The following ZNF808 variants were observed in gnomAD, a reference collection of about 807,000 sequenced individuals.
ZNF808 encodes zinc finger protein 808.
Under a neutral mutation model 8.7 loss-of-function variants are expected in ZNF808, and 5 were observed. The ratio of observed to expected loss-of-function variants is 0.58; its 90% CI spans 0.30 to 1.21. ZNF808 has a LOEUF of 1.21. Among genes scored for constraint, ZNF808 ranks in the 50% most tolerant of loss-of-function variants. The pLI, the probability that ZNF808 is intolerant of heterozygous loss-of-function variation, is 0.07. For synonymous variants in ZNF808, 380 were observed against 366.0 expected (o/e 1.04, Z -0.44); for missense variants, 1,103 against 1,098.4 (o/e 1.00, Z -0.06).
Position 52,556,098 on chromosome 19 carries a change from A to G in ZNF808, c.*470A>G. ...CATTAATTGACATTGGAGTCAATTC[A>G]GCATTGACTTGAGTTTGTGTTGACT... is the stretch of plus-strand genomic sequence containing the variant. On this transcript the variant is annotated 3_prime_UTR_variant, in exon 5 of 5. Transcript: ENST00000359798. 3 of 415,762 alleles carry G rather than the reference A, an allele frequency of 7.2e-6. No homozygotes were observed. The highest frequency in any genetic ancestry group is 1.5e-5 in the Non-Finnish European group (3 of 206,714). 25.8% of individuals were successfully genotyped at this position (415,762 alleles called of 1,614,324 possible).
chr19:52,564,861 C>T (rs113967804), downstream of ZNF808, among the ~76,000 whole-genome samples: 823 of 152,028 alleles, frequency 5.4e-3, 5 homozygotes, highest in African/African-American at 0.017. Context: ...CCGAGGCGGG[C>T]GGATCACGAG....
chr19:52,559,271 T>A (rs978701833), downstream of ZNF808, among the ~76,000 whole-genome samples: 1 of 152,118 alleles, frequency 6.6e-6, no homozygotes, highest in South Asian at 2.1e-4. Flanking sequence ...GAAAACTGCC[T>A]TAGAGCTGGA....
At chr19:52,567,482 A>AC (rs2059875666), downstream of ZNF808, among the ~76,000 whole-genome samples, 2 of 91,634 alleles carry the variant, frequency 2.2e-5, no homozygotes, top group East Asian at 6.2e-4. Context: ...GTCCAGCTGT[A>AC]TTTTTTATTA....
Position 52,554,151 on chromosome 19 carries a change from C to T in ZNF808, c.1235C>T (p.Ser412Leu), listed in dbSNP as rs1289630044. The change falls in exon 5 of 5, where the codon TCA becomes TTA. Residue 412 changes from serine (S) to leucine (L), a missense_variant. Coordinates refer to ENST00000359798, the MANE Select transcript of ZNF808 (RefSeq NM_001039886.4). ...NECGKAFNHQ[S>L]SLARHHILHT... ...TGTGGTAAGGCTTTTAATCATCAAT[C>T]AAGCCTTGCACGTCATCATATACTT... is the stretch of plus-strand genomic sequence containing the variant. The T allele has an allele frequency of 1.9e-6, 3 of 1,613,998 alleles. No homozygotes were observed. In the African/African-American group the frequency reaches 4.0e-5, roughly 22 times the overall value.
chr19:52,546,771 G>C (rs1203997570), intron 3 of ZNF808, among the ~76,000 whole-genome samples: 1 of 150,868 alleles, frequency 6.6e-6, no homozygotes, highest in Non-Finnish European at 1.5e-5. Context: ...AGCCTCTTGA[G>C]TAGCTGGGAG....
chr19:52,552,759 GA>G (rs1264084089), intron 4 of ZNF808, among the ~76,000 whole-genome samples: 1 of 146,826 alleles, frequency 6.8e-6, no homozygotes, highest in Non-Finnish European at 1.5e-5. Flanking sequence ...TAAATATGAA[GA>G]ATATATATTT....
chr19:52,550,097 C>T (rs553027179), intron 4 of ZNF808, among the ~76,000 whole-genome samples: 6 of 152,270 alleles, frequency 3.9e-5, no homozygotes, highest in East Asian at 3.9e-4. Flanking sequence ...AAGAACATGT[C>T]GTGGGATCCT....
chr19:52,560,920 G>C (rs1464090063), downstream of ZNF808, among the ~76,000 whole-genome samples: 6 of 152,128 alleles, frequency 3.9e-5, no homozygotes, highest in South Asian at 6.2e-4. Context: ...TTTTGTAATA[G>C]TGAACACCCC....
chr19:52,553,674 A>G lies in ZNF808; in HGVS notation c.758A>G (p.His253Arg). Residue 253 changes from histidine to arginine, a missense_variant, in exon 5 of 5, where the codon CAT becomes CGT. Transcript: ENST00000359798. ...CTCTTAAGGAAACACCAGATACCCC[A>G]TTTAGGAGACAAACAATATAAATGT... is the stretch of plus-strand genomic sequence containing the variant. ...SSLLRKHQIP[H>R]LGDKQYKCDV... 6.2e-7 allele frequency: 1 copy of G among 1,614,196 alleles called. No homozygotes were observed. The highest frequency in any genetic ancestry group is 8.5e-7 in the Non-Finnish European group (1 of 1,180,014).
At chr19:52,560,761 A>G (rs1434367541), downstream of ZNF808, among the ~76,000 whole-genome samples, 1 of 152,154 alleles carries the variant, frequency 6.6e-6, no homozygotes, top group Non-Finnish European at 1.5e-5. Flanking sequence ...GGTCTATCCC[A>G]GTGGAATTAT....
intron 3 of ZNF808, among the ~76,000 whole-genome samples, chr19:52,544,783 C>G (rs538614255): frequency 1.3e-5 from 2 of 152,214 alleles, no homozygotes; most frequent in East Asian, 3.9e-4. Context: ...GCCAGCTTGG[C>G]TGGACTCTGC....
chr19:52,564,609 C>G (rs1481425908), downstream of ZNF808: 1 of 159,918 alleles, frequency 6.3e-6, no homozygotes, highest in Non-Finnish European at 1.4e-5. Flanking sequence ...TTCCCTAACC[C>G]AGTTCATGAA....
At chr19:52,539,860 T>C (rs975689152) in intron 2 of ZNF808, among the ~76,000 whole-genome samples, 2 of 151,814 alleles carry the variant, frequency 1.3e-5, no homozygotes, top group Non-Finnish European at 2.9e-5. Context: ...GCCTTTGTTA[T>C]TGTTTTGAGA....
intron 3 of ZNF808, among the ~76,000 whole-genome samples, chr19:52,544,806 T>TG (rs1400032834): frequency 2.6e-5 from 4 of 152,074 alleles, no homozygotes; most frequent in African/African-American, 9.7e-5. Flanking sequence ...ATTTTTGAGA[T>TG]GGAGTGTCGC....
At chr19:52,552,398 TACTA>T (rs1344920042) in intron 4 of ZNF808, among the ~76,000 whole-genome samples, 1 of 151,598 alleles carries the variant, frequency 6.6e-6, no homozygotes, top group African/African-American at 2.4e-5. Context: ...AAAAATATTG[TACTA>T]ACTTTTTTCT....
Position 52,550,584 on chromosome 19 carries a change from G to A in ZNF808, c.191-2523G>A, listed in dbSNP as rs143699700. Among the ~76,000 whole-genome samples, 596 of 151,812 alleles carry A rather than the reference G, an allele frequency of 3.9e-3. 3 individuals are homozygous for A. Among genetic ancestry groups the A allele is most frequent in the African/African-American group, 0.014 (567 of 41,368 alleles). On this transcript the variant is annotated intron_variant, in intron 4 of 4. Coordinates refer to ENST00000359798, the MANE Select transcript of ZNF808 (RefSeq NM_001039886.4). ...CTTGTTGCCCAGGCTGGAGTGCAAT[G>A]GTGCAATCTTGGCTCACTGCAACCT...
downstream of ZNF808, among the ~76,000 whole-genome samples, chr19:52,567,984 T>C (rs1377149288): frequency 6.6e-6 from 1 of 152,226 alleles, no homozygotes; most frequent in African/African-American, 2.4e-5. Context: ...ATCAGCTATT[T>C]CAAATTTAAA....
rs1331956116 is a variant in ZNF808 at position 52,555,049 on chromosome 19, G to C, written c.2133G>C (p.Glu711Asp). 1.2e-6 allele frequency: 2 copies of C among 1,613,604 alleles called. No individual in the cohort carries two copies. Among genetic ancestry groups the C allele is most frequent in the African/African-American group, 2.7e-5 (2 of 74,754 alleles). ...GAATGAAACCTTACAAGTGTAATGAGTGCAGCAAGACCTTCAGTAACAGGT... is the reference window on the plus strand; with the variant it reads ...GAATGAAACCTTACAAGTGTAATGACTGCAGCAAGACCTTCAGTAACAGGT... ...HSGMKPYKCN[E>D]CSKTFSNRSS... is the part of the protein sequence containing the mutation. Residue 711 changes from glutamate (E) to aspartate (D), a missense_variant, in exon 5 of 5, where the codon GAG becomes GAC. Glu to Asp is a conservative substitution (Grantham distance 45). Transcript: ENST00000359798.
chr19:52,543,464 T>C, intron 3 of ZNF808, 117 bp downstream of exon 3: 1 of 1,449,582 alleles, frequency 6.9e-7, no homozygotes, highest in Non-Finnish European at 9.2e-7. Flanking sequence ...TCTGAAGCAT[T>C]TTGCCTGACA....
Sources: gnomAD v4.1 joint callset for allele counts (sites outside exome capture counted in the v4.1 genomes callset) on GRCh38, gnomAD v4.1.1 for gene constraint, MANE v1.5 for transcripts, NCBI Gene and HGNC (gene_info 2026-07-23, HGNC 2026-07-21) for gene names.